Variants in ENOX2 observed in about 807,000 individuals in gnomAD.
ENOX2 encodes the protein ecto-NOX disulfide-thiol exchanger 2, also known as APK1 antigen.
In ENOX2, 36 loss-of-function variants were observed where a neutral mutation model predicts 45.0. The ratio of observed to expected loss-of-function variants is 0.80; its 90% CI spans 0.61 to 1.06. The LOEUF (loss-of-function observed/expected upper bound fraction) is 1.06. Among genes scored for constraint, ENOX2 ranks in the 50% least tolerant of loss-of-function variants. ENOX2 has a pLI of 0.00. For synonymous variants in ENOX2, 174 were observed against 152.3 expected (o/e 1.14, Z -1.05); for missense variants, 423 against 462.5 (o/e 0.91, Z 0.78).
chrX:130,769,362 T>C (rs1028220271), intron 3 of ENOX2, among the ~76,000 whole-genome samples: 2 of 111,843 alleles, frequency 1.8e-5, no homozygotes, highest in African/African-American at 6.5e-5. Context: ...AAGGGAAATT[T>C]TGGAAAAGGA....
intron 13 of ENOX2, among the ~76,000 whole-genome samples, chrX:130,630,670 T>C (rs1326855115): frequency 1.8e-5 from 2 of 111,643 alleles, no homozygotes; most frequent in Non-Finnish European, 3.8e-5. Context: ...TCCTGAGTTC[T>C]GTGAGCCATT....
Position 130,703,148 on chromosome X carries a change from C to G in ENOX2, c.69G>C (p.Leu23=), listed in dbSNP as rs777036752. The G allele has an allele frequency of 9.1e-6, 11 of 1,208,137 alleles. No individual in the cohort carries two copies. Among genetic ancestry groups the G allele is most frequent in the Non-Finnish European group, 1.2e-5 (11 of 893,400 alleles). The part of the protein sequence containing the change: ...TAMNNLGMAP[L]GIAGQPILPD... ...GTAAAATTGGTTGTCCGGCAATTCC[C>G]AGCGGTGCCATTCCAAGATTATTCA... The change falls in exon 4 of 15, where the codon CTG becomes CTC. Residue 23 remains leucine (L), a synonymous_variant. Coordinates refer to ENST00000394363, the MANE Select transcript of ENOX2 (RefSeq NM_006375.4).
intron 2 of ENOX2, among the ~76,000 whole-genome samples, chrX:130,876,042 GCCA>G (rs1290868428): frequency 3.6e-5 from 4 of 111,577 alleles, no homozygotes; most frequent in Non-Finnish European, 7.5e-5. Context: ...AAACATTTTT[GCCA>G]CCTCCTCAAA....
intron 2 of ENOX2, among the ~76,000 whole-genome samples, chrX:130,813,808 A>T (rs1342835164): frequency 8.9e-6 from 1 of 112,146 alleles, no homozygotes; most frequent in African/African-American, 3.2e-5. Context: ...GATTTCAAGC[A>T]TAAAAGTGGG....
At chrX:130,740,381 C>T (rs750106964) in intron 3 of ENOX2, among the ~76,000 whole-genome samples, 110 of 106,793 alleles carry the variant, frequency 1.0e-3, no homozygotes, top group Non-Finnish European at 8.4e-4. Flanking sequence ...CTAGCCTGGG[C>T]ACCTGAGTGA....
chrX:130,656,772 T>A, intron 9 of ENOX2, 77 bp from the exon 10 acceptor site: 1 of 587,304 alleles, frequency 1.7e-6, no homozygotes, highest in South Asian at 2.7e-5. Context: ...AAGGATAAGA[T>A]AAAGCAGCAT....
rs73635934 is a variant in ENOX2, at chrX:130,657,699, C to G, written c.1015-1004G>C. Among the ~76,000 whole-genome samples the G allele has an allele frequency of 4.5e-3, 507 of 112,190 alleles. 5 individuals are homozygous for G. The highest frequency in any genetic ancestry group is 0.016 in the African/African-American group (489 of 30,928). ...ATCCAACTAAGTAAATTGACCGTTA[C>G]GACAAACGAAAACAAAGTCAACATT... On this transcript the variant is annotated intron_variant, in intron 9 of 14. Coordinates refer to ENST00000394363, the MANE Select transcript of ENOX2 (RefSeq NM_006375.4).
intron 5 of ENOX2, among the ~76,000 whole-genome samples, chrX:130,683,867 A>G (rs966670983): frequency 3.6e-5 from 4 of 111,220 alleles, no homozygotes; most frequent in South Asian, 3.9e-4. Context: ...CTCACTCACC[A>G]TTTATCTTTA....
chrX:130,705,850 G>A (rs185329245), intron 3 of ENOX2, among the ~76,000 whole-genome samples: 14 of 111,459 alleles, frequency 1.3e-4, no homozygotes, highest in African/African-American at 4.2e-4. Flanking sequence ...CTATGAGGCG[G>A]GAAGCACACC....
At chrX:130,816,575 C>CA (rs1307778710) in intron 2 of ENOX2, among the ~76,000 whole-genome samples, 1 of 111,926 alleles carries the variant, frequency 8.9e-6, no homozygotes, top group Non-Finnish European at 1.9e-5. Context: ...TCTCAGACAA[C>CA]AATGCAATCA....
chrX:130,773,035 T>C (rs766778966), intron 3 of ENOX2, among the ~76,000 whole-genome samples: 10 of 112,711 alleles, frequency 8.9e-5, no homozygotes, highest in African/African-American at 2.9e-4. Context: ...ATGACTGTCT[T>C]CTTTACTAGA....
At chrX:130,809,450 A>C (rs1381831998) in intron 2 of ENOX2, among the ~76,000 whole-genome samples, 2 of 112,375 alleles carry the variant, frequency 1.8e-5, no homozygotes, top group Admixed American at 9.4e-5. Context: ...CTGGGATGAC[A>C]ATAAAAATTC....
At chrX:130,869,135 T>C (rs1569325144) in intron 2 of ENOX2, among the ~76,000 whole-genome samples, 1 of 111,174 alleles carries the variant, frequency 9.0e-6, no homozygotes, top group Non-Finnish European at 1.9e-5. Context: ...TTGCTTTTCA[T>C]TTTTAGTGCC....
chrX:130,768,221 T>C (rs182457326), intron 3 of ENOX2, among the ~76,000 whole-genome samples: 25 of 111,889 alleles, frequency 2.2e-4, no homozygotes, highest in Middle Eastern at 4.6e-3. Flanking sequence ...AGACACAAAA[T>C]CAAGGCATAG....
chrX:130,676,294 T>C (rs1386981054), intron 6 of ENOX2, among the ~76,000 whole-genome samples: 1 of 111,818 alleles, frequency 8.9e-6, no homozygotes, highest in South Asian at 3.8e-4. Flanking sequence ...ATCTCCACAT[T>C]TTCTAGCCCC....
chrX:130,660,130 G>A (rs1367244430), intron 9 of ENOX2, among the ~76,000 whole-genome samples: 2 of 111,534 alleles, frequency 1.8e-5, no homozygotes, highest in Non-Finnish European at 3.8e-5. Flanking sequence ...CAGTCAGGCA[G>A]GCAAACTGGC....
chrX:130,703,228 C>A lies in ENOX2; in HGVS notation c.-12G>T, dbSNP rs755091933. ...ATAGGTAGTGTCATTGCAGTGGAAT[C>A]CACGTTCAGAGTTCTACTGTTATCG... On this transcript the variant is annotated 5_prime_UTR_variant, in exon 4 of 15. Transcript: ENST00000394363. 1.7e-6 allele frequency: 2 copies of A among 1,203,132 alleles called. No homozygotes were observed. The highest frequency in any genetic ancestry group is 2.2e-6 in the Non-Finnish European group (2 of 890,656).
chrX:130,747,602 G>A (rs1003862666), intron 3 of ENOX2, among the ~76,000 whole-genome samples: 1 of 112,426 alleles, frequency 8.9e-6, no homozygotes, highest in African/African-American at 3.2e-5. Context: ...CAGATGACCT[G>A]TTTTAAGACA....
At chrX:130,848,647 T>C (rs2078154198) in intron 2 of ENOX2, among the ~76,000 whole-genome samples, 1 of 111,867 alleles carries the variant, frequency 8.9e-6, no homozygotes, top group Middle Eastern at 4.6e-3. Flanking sequence ...AGACCCTTCC[T>C]AAAGCAATCT....
Sources: allele counts gnomAD v4.1 joint callset (sites outside exome capture counted in the v4.1 genomes callset), GRCh38; gene constraint gnomAD v4.1.1; transcripts MANE v1.5; gene names NCBI Gene and HGNC (gene_info 2026-07-23, HGNC 2026-07-21).